Variants in PARD3B observed in about 807,000 individuals in gnomAD.
PARD3B encodes partitioning defective 3 homolog B.
PARD3B carries 103 observed loss-of-function variants against 130.2 expected under a neutral mutation model. The observed-to-expected ratio is 0.79, with a 90% CI of 0.67 to 0.93. The LOEUF (loss-of-function observed/expected upper bound fraction) is 0.93, where lower values mean the gene tolerates loss of function less well. Among genes scored for constraint, PARD3B ranks in the 40% least tolerant of loss-of-function variants. The pLI is 0.00. For missense variants in PARD3B, 1,609 were observed against 1,499.2 expected, an observed-to-expected ratio of 1.07 and a Z score of -1.21; for synonymous variants, 583 against 553.2, an observed-to-expected ratio of 1.05 and a Z score of -0.76.
At chr2:204,899,943 C>A (rs986162897) in intron 2 of PARD3B, among the ~76,000 whole-genome samples, 2 of 151,748 alleles carry the variant, frequency 1.3e-5, no homozygotes, top group African/African-American at 4.8e-5. Flanking sequence ...GCCACTCTCT[C>A]CCGACCTATC....
intron 15 of PARD3B, among the ~76,000 whole-genome samples, chr2:205,203,757 C>G (rs2037122272): frequency 6.6e-6 from 1 of 152,222 alleles, no homozygotes; most frequent in African/African-American, 2.4e-5. Context: ...CCAGCTTCAT[C>G]CATGTCCCTG....
chr2:204,998,386 G>A (rs13027344), intron 3 of PARD3B, among the ~76,000 whole-genome samples: 1 of 80,892 alleles, frequency 1.2e-5, no homozygotes, highest in South Asian at 3.3e-4. Context: ...ATATATGTGT[G>A]TGTATATATG....
At chr2:205,474,602 A>C (rs541519033) in intron 20 of PARD3B, among the ~76,000 whole-genome samples, 2 of 152,252 alleles carry the variant, frequency 1.3e-5, no homozygotes, top group African/African-American at 4.8e-5. Flanking sequence ...CAGTGTTATA[A>C]ATTACCCTCT....
chr2:205,291,284 C>T lies in PARD3B; in HGVS notation c.2186-9246C>T, dbSNP rs548473572. On this transcript the variant is annotated intron_variant, in intron 16 of 22. Coordinates refer to ENST00000406610, the MANE Select transcript of PARD3B (RefSeq NM_001302769.2). This position sits in a 1 kb window ranked among gnomAD's most constrained non-coding sequence, Gnocchi z 4.6. Reference sequence around the variant, plus strand: ...CAAAAAACACCAACACCACCAACACCACCATCACAAGAGGAGAGCTGTAAA... The same window carrying T: ...CAAAAAACACCAACACCACCAACACTACCATCACAAGAGGAGAGCTGTAAA... 6.6e-4 allele frequency among the ~76,000 whole-genome samples: 100 copies of T among 152,084 alleles called. No homozygotes were observed. The highest frequency in any genetic ancestry group is 1.2e-3 in the Non-Finnish European group (84 of 68,004).
intron 18 of PARD3B, among the ~76,000 whole-genome samples, chr2:205,370,035 T>G (rs1237706458): frequency 6.6e-6 from 1 of 152,092 alleles, no homozygotes; most frequent in East Asian, 1.9e-4. Flanking sequence ...CAAGAACATC[T>G]TTTCCTCACT....
intron 11 of PARD3B, among the ~76,000 whole-genome samples, 198 bp downstream of exon 11, chr2:205,159,105 T>G (rs1391977000): frequency 1.2e-4 from 19 of 152,244 alleles, no homozygotes; most frequent in Admixed American, 1.2e-3. Context: ...TATTTTTACT[T>G]CTTAGAGTTA....
rs559561036 is a variant in PARD3B at position 205,378,873 on chromosome 2, G to C, written c.2631-22140G>C. The stretch of plus-strand genomic sequence containing the variant: ...TCTCAATCTCTTGACCTTGTGATCT[G>C]CCCGCCTCGGCCTCGCAAAGTGCTG... On this transcript the variant is annotated intron_variant, in intron 18 of 22. Coordinates refer to ENST00000406610, the MANE Select transcript of PARD3B (RefSeq NM_001302769.2). Among the ~76,000 whole-genome samples, 122 of 151,694 alleles carry C rather than the reference G, an allele frequency of 8.0e-4. 1 individual carries two copies. The highest frequency in any genetic ancestry group is 2.7e-3 in the African/African-American group (110 of 41,384).
At chr2:204,883,508 G>A (rs2046153342) in intron 2 of PARD3B, among the ~76,000 whole-genome samples, 1 of 137,248 alleles carries the variant, frequency 7.3e-6, no homozygotes, top group South Asian at 2.3e-4. Flanking sequence ...GAGTGCAGTG[G>A]CCCAATCTCG....
intron 2 of PARD3B, among the ~76,000 whole-genome samples, chr2:204,956,571 C>T (rs1406568008): frequency 6.6e-6 from 1 of 151,168 alleles, no homozygotes; most frequent in Non-Finnish European, 1.5e-5. Context: ...TTAAATATCC[C>T]AGCTTGTTTT....
intron 2 of PARD3B, among the ~76,000 whole-genome samples, chr2:204,778,146 C>CAAAAAA (rs35683519): frequency 9.1e-6 from 1 of 109,342 alleles, no homozygotes. Flanking sequence ...CACCCTCTAT[C>CAAAAAA]AAAAAAAAAA....
At chr2:205,245,921 A>C in intron 16 of PARD3B, 99 bp downstream of exon 16, 1 of 973,978 alleles carries the variant, frequency 1.0e-6, no homozygotes. Context: ...TAGTCACTGA[A>C]AGGCTTTCTA....
At chr2:204,902,542 G>A (rs545055745) in intron 2 of PARD3B, among the ~76,000 whole-genome samples, 2 of 151,916 alleles carry the variant, frequency 1.3e-5, no homozygotes, top group Admixed American at 6.6e-5. Context: ...GGTGGCGGGC[G>A]CCTGCAGTCC....
At chr2:205,607,915 G>A (rs535377895) in intron 22 of PARD3B, among the ~76,000 whole-genome samples, 2 of 149,010 alleles carry the variant, frequency 1.3e-5, no homozygotes, top group Non-Finnish European at 3.0e-5. Context: ...AGTCTCCTTC[G>A]TTGTACTCCT....
intron 2 of PARD3B, among the ~76,000 whole-genome samples, chr2:204,686,529 T>A (rs997393582): frequency 2.0e-5 from 3 of 152,172 alleles, no homozygotes; most frequent in African/African-American, 7.2e-5. Flanking sequence ...TTCTGATATG[T>A]CTTAATAAAT....
intron 1 of PARD3B, among the ~76,000 whole-genome samples, chr2:204,553,240 C>CA (rs1406517877): frequency 1.3e-5 from 2 of 151,908 alleles, no homozygotes; most frequent in Non-Finnish European, 2.9e-5. Flanking sequence ...TGGCCATCAT[C>CA]AAAAAATTTT....
At chr2:205,307,028 G>T (rs1011271362) in intron 18 of PARD3B, among the ~76,000 whole-genome samples, 1 of 152,190 alleles carries the variant, frequency 6.6e-6, no homozygotes, top group Non-Finnish European at 1.5e-5. Context: ...GATGGGTCAT[G>T]CAGTTATACC....
At chr2:204,759,263 G>A (rs971591492) in intron 2 of PARD3B, among the ~76,000 whole-genome samples, 1 of 152,038 alleles carries the variant, frequency 6.6e-6, no homozygotes, top group African/African-American at 2.4e-5. Flanking sequence ...TTTTTGTAGT[G>A]TTAATTTATT....
chr2:204,641,740 C>T (rs79642004), intron 1 of PARD3B, among the ~76,000 whole-genome samples: 1 of 152,172 alleles, frequency 6.6e-6, no homozygotes, highest in Non-Finnish European at 1.5e-5. Context: ...TCTTTGGGAA[C>T]TATTCCAGTG....
At chr2:205,587,553 G>C (rs138534710) in intron 22 of PARD3B, among the ~76,000 whole-genome samples, 1 of 152,036 alleles carries the variant, frequency 6.6e-6, no homozygotes, top group Non-Finnish European at 1.5e-5. Context: ...AAAAGCTTCT[G>C]GTACCTCATT....
Sources: allele counts gnomAD v4.1 joint callset (sites outside exome capture counted in the v4.1 genomes callset), GRCh38; gene constraint gnomAD v4.1.1; non-coding constraint Gnocchi (gnomAD v3.1); transcripts MANE v1.5; gene names NCBI Gene and HGNC (gene_info 2026-07-23, HGNC 2026-07-21).